The following COL17A1 variants were observed in gnomAD, a reference collection of about 807,000 sequenced individuals.
COL17A1 encodes the protein collagen type XVII alpha 1 chain, also known as collagen alpha-1(XVII) chain.
Under a neutral mutation model 218.4 loss-of-function variants are expected in COL17A1, and 181 were observed. The observed-to-expected ratio is 0.83, with a 90% CI of 0.73 to 0.94. COL17A1 has a LOEUF of 0.94. Among genes scored for constraint, COL17A1 ranks in the 40% least tolerant of loss-of-function variants. The pLI is 0.00. For synonymous variants in COL17A1, 721 were observed against 731.0 expected (o/e 0.99, Z 0.22); for missense variants, 1,924 against 1,945.9 (o/e 0.99, Z 0.21).
chr10:104,076,616 C>T (rs879297085), intron 4 of COL17A1, among the ~76,000 whole-genome samples, 187 bp from the exon 5 acceptor site: 9 of 152,262 alleles, frequency 5.9e-5, no homozygotes, highest in African/African-American at 1.4e-4. Context: ...TGCCTGGGAA[C>T]GTCCTTCCTG....
chr10:104,060,496 A>G (rs993031601), intron 13 of COL17A1, among the ~76,000 whole-genome samples: 26 of 152,074 alleles, frequency 1.7e-4, no homozygotes. Context: ...GGCCACCAAG[A>G]GTTTGGGTCA....
chr10:104,063,570 C>T, intron 11 of COL17A1, 177 bp downstream of exon 11: 2 of 1,009,932 alleles, frequency 2.0e-6, no homozygotes, highest in South Asian at 1.4e-5. Context: ...TCGCCTGAGA[C>T]TTTTCCCTTG....
rs1402450716 is a variant in COL17A1 at position 104,055,420 on chromosome 10, C to G, written c.1688-19G>C. The G allele has an allele frequency of 1.3e-6, 2 of 1,592,972 alleles. No homozygotes were observed. Among genetic ancestry groups the G allele is most frequent in the South Asian group, 2.2e-5 (2 of 90,512 alleles). On this transcript the variant is annotated intron_variant, in intron 18 of 55. Coordinates refer to ENST00000648076, the MANE Select transcript of COL17A1 (RefSeq NM_000494.4). The stretch of plus-strand genomic sequence containing the variant: ...AGATTTCCTGCAAGAAAAAGCAAAT[C>G]CTGAGTCAGCTTCACATCTCCTGTC...
intron 15 of COL17A1, 125 bp from the exon 16 acceptor site, chr10:104,058,315 C>G: frequency 8.7e-7 from 1 of 1,154,744 alleles, no homozygotes; most frequent in Non-Finnish European, 1.3e-6. Flanking sequence ...CGTGCAGGAA[C>G]ATCCAGCATC....
intron 35 of COL17A1, 59 bp from the exon 36 acceptor site, chr10:104,042,514 C>T: frequency 6.4e-7 from 1 of 1,554,896 alleles, no homozygotes; most frequent in Non-Finnish European, 8.9e-7. Flanking sequence ...ATAGGAAGAA[C>T]TAAAGGCATA....
chr10:104,050,719 T>C, intron 26 of COL17A1, 63 bp from the exon 27 acceptor site: 1 of 1,614,140 alleles, frequency 6.2e-7, no homozygotes, highest in Non-Finnish European at 8.5e-7. Flanking sequence ...GAAGGGGCAA[T>C]GTCTGTCTCT....
intron 1 of COL17A1, among the ~76,000 whole-genome samples, chr10:104,082,563 A>G (rs867052680): frequency 6.6e-6 from 1 of 152,200 alleles, no homozygotes; most frequent in African/African-American, 2.4e-5. Context: ...CCTGAAATGA[A>G]CTGTTTATAA....
At chr10:104,080,096 G>T (rs1357574193) in intron 2 of COL17A1, among the ~76,000 whole-genome samples, 11 of 152,074 alleles carry the variant, frequency 7.2e-5, no homozygotes, top group Admixed American at 7.2e-4. Context: ...TATGGAGCCA[G>T]AATTTTTTTT....
intron 15 of COL17A1, 148 bp downstream of exon 15, chr10:104,059,490 T>A: frequency 2.7e-6 from 2 of 741,402 alleles, no homozygotes; most frequent in Non-Finnish European, 4.9e-6. Flanking sequence ...GAGCTAGGGC[T>A]GGGATCCTGC....
At chr10:104,058,026 T>G in intron 16 of COL17A1, 120 bp downstream of exon 16, 2 of 1,449,068 alleles carry the variant, frequency 1.4e-6, no homozygotes, top group Non-Finnish European at 1.9e-6. Flanking sequence ...GGGAAACTCT[T>G]TAGAGTCTGG....
intron 45 of COL17A1, among the ~76,000 whole-genome samples, chr10:104,038,051 G>T (rs775190548): frequency 2.6e-5 from 4 of 152,224 alleles, no homozygotes; most frequent in Admixed American, 2.0e-4. Context: ...CACATGCAAG[G>T]TGTGGTGTGA....
At chr10:104,052,383 C>G (rs2086478347) in intron 23 of COL17A1, among the ~76,000 whole-genome samples, 166 bp from the exon 24 acceptor site, 1 of 152,134 alleles carries the variant, frequency 6.6e-6, no homozygotes, top group Non-Finnish European at 1.5e-5. Flanking sequence ...AGCTTCTACC[C>G]CCAGAGACTT....
At chr10:104,081,435 C>A (rs1466463581) in intron 1 of COL17A1, among the ~76,000 whole-genome samples, 2 of 152,186 alleles carry the variant, frequency 1.3e-5, no homozygotes, top group Non-Finnish European at 2.9e-5. Flanking sequence ...TCCACTGTGT[C>A]CCTCAGCATG....
Position 104,034,730 on chromosome 10 carries a change from A to G in COL17A1, c.3657T>C (p.Pro1219=), listed in dbSNP as rs1252687330. ...GCCCTCGAGGCCCTGGGGGACCAGG[A>G]GGTCCTGGAGGGCCTGGGATGAATG... is the stretch of plus-strand genomic sequence containing the variant. ...GLSFIPGPPG[P]PGPPGPRGPP... is the part of the protein sequence containing the mutation. The change falls in exon 51 of 56, where the codon CCT becomes CCC. Residue 1219 remains proline (P), a synonymous_variant. Coordinates refer to ENST00000648076, the MANE Select transcript of COL17A1 (RefSeq NM_000494.4). The G allele has an allele frequency of 6.2e-7, 1 of 1,612,326 alleles. No homozygotes were observed. Among genetic ancestry groups the G allele is most frequent in the East Asian group, 2.2e-5 (1 of 44,790 alleles).
intron 40 of COL17A1, 149 bp from the exon 41 acceptor site, chr10:104,040,148 T>C: frequency 9.8e-7 from 1 of 1,020,764 alleles, no homozygotes; most frequent in East Asian, 2.4e-5. Context: ...TAGGCCAATG[T>C]TGGGTGGCTA....
intron 39 of COL17A1, 32 bp from the exon 40 acceptor site, chr10:104,040,442 C>T (rs751288901): frequency 3.4e-6 from 5 of 1,484,498 alleles, no homozygotes; most frequent in African/African-American, 1.4e-5. Context: ...TGAGTATGGA[C>T]ACTGATGTTT....
intron 48 of COL17A1, among the ~76,000 whole-genome samples, 156 bp downstream of exon 48, chr10:104,036,336 T>C (rs566299867): frequency 6.6e-6 from 1 of 151,644 alleles, no homozygotes; most frequent in South Asian, 2.1e-4. Context: ...TGCTCCAGGC[T>C]CACAGGTTTG....
intron 1 of COL17A1, among the ~76,000 whole-genome samples, chr10:104,081,117 C>T: frequency 6.6e-6 from 1 of 152,192 alleles, no homozygotes; most frequent in Non-Finnish European, 1.5e-5. Flanking sequence ...CTTTATGGAA[C>T]TCTATGCATA....
chr10:104,037,215 T>C (rs2086309004), intron 46 of COL17A1, 102 bp from the exon 47 acceptor site: 1 of 1,024,984 alleles, frequency 9.8e-7, no homozygotes, highest in Non-Finnish European at 1.5e-6. Context: ...TGTTTGTCTT[T>C]GGGGGAAGTG....
Sources: allele counts gnomAD v4.1 joint callset (sites outside exome capture counted in the v4.1 genomes callset), GRCh38; gene constraint gnomAD v4.1.1; transcripts MANE v1.5; gene names NCBI Gene and HGNC (gene_info 2026-07-23, HGNC 2026-07-21).